Variants in COLEC11 observed in about 807,000 individuals in gnomAD.
COLEC11 encodes collectin-11.
Under a neutral mutation model 27.3 loss-of-function variants are expected in COLEC11, and 20 were observed. That is an observed-to-expected ratio of 0.73 (90% CI 0.51 to 1.06). COLEC11 has a LOEUF of 1.06. Among genes scored for constraint, COLEC11 ranks in the 50% least tolerant of loss-of-function variants. COLEC11 has a pLI of 0.00. For missense variants in COLEC11, 310 were observed against 383.0 expected, an observed-to-expected ratio of 0.81 and a Z score of 1.59; for synonymous variants, 163 against 154.7, an observed-to-expected ratio of 1.05 and a Z score of -0.40.
At chr2:3,605,647 G>A (rs1394836905) in intron 2 of COLEC11, 8 of 194,596 alleles carry the variant, frequency 4.1e-5, no homozygotes, top group South Asian at 1.6e-4. Flanking sequence ...AATCCGGTCC[G>A]CCCCCTCCTC....
At chr2:3,635,147 C>T (rs531461000) in intron 3 of COLEC11, among the ~76,000 whole-genome samples, 2 of 147,082 alleles carry the variant, frequency 1.4e-5, no homozygotes, top group South Asian at 2.2e-4. Flanking sequence ...CAACGTGCCC[C>T]GTGACATCCC....
intron 3 of COLEC11, among the ~76,000 whole-genome samples, chr2:3,625,700 T>C (rs1308418502): frequency 7.3e-6 from 1 of 136,226 alleles, no homozygotes; most frequent in African/African-American, 2.8e-5. Flanking sequence ...TGGCATAATC[T>C]TGGCTCACTA....
intron 1 of COLEC11, among the ~76,000 whole-genome samples, chr2:3,597,403 A>T (rs555128103): frequency 9.4e-4 from 143 of 151,944 alleles, no homozygotes; most frequent in African/African-American, 3.2e-3. Flanking sequence ...GAATGGAGTG[A>T]AGGCACGAGA....
intron 2 of COLEC11, among the ~76,000 whole-genome samples, chr2:3,607,047 G>A (rs1429540276): frequency 6.6e-6 from 1 of 152,214 alleles, no homozygotes; most frequent in Non-Finnish European, 1.5e-5. Flanking sequence ...GGTGGCATCT[G>A]GTCTGAGAAA....
chr2:3,629,768 T>TC, intron 3 of COLEC11, among the ~76,000 whole-genome samples: 1 of 152,108 alleles, frequency 6.6e-6, no homozygotes, highest in Non-Finnish European at 1.5e-5. Context: ...AGGCCACGGG[T>TC]CCAGAGAAAG....
rs72769349 is a variant in COLEC11 at position 3,637,289 on chromosome 2, A to G, written c.203-244A>G. Among the ~76,000 whole-genome samples, 703 of 152,300 alleles carry G rather than the reference A, an allele frequency of 4.6e-3. 3 individuals carry two copies. The highest frequency in any genetic ancestry group is 7.1e-3 in the Non-Finnish European group (484 of 68,002). On this transcript the variant is annotated intron_variant, in intron 3 of 6. Transcript: ENST00000349077. ...TAGGGGTGCCCCGTTCAGCCCCTCCATTCTATAGTGTGTATGACTTCTGGG... is the reference window on the plus strand; with the variant it reads ...TAGGGGTGCCCCGTTCAGCCCCTCCGTTCTATAGTGTGTATGACTTCTGGG...
In COLEC11 at chr2:3,644,614, G is replaced by A. The variant is rs913159344; in HGVS notation, c.*496G>A. 6 of 360,744 alleles carry A rather than the reference G, an allele frequency of 1.7e-5. No individual in the cohort carries two copies. Among genetic ancestry groups the A allele is most frequent in the Non-Finnish European group, 3.2e-5 (6 of 184,900 alleles). 22.3% of individuals were successfully genotyped at this position (360,744 alleles called of 1,614,324 possible). On this transcript the variant is annotated 3_prime_UTR_variant, in exon 7 of 7. Transcript: ENST00000349077. ...TGCTTTGCTTCAAACCCAGATTTCA[G>A]GAAAACAACAACAAAATTCTCCAAA... is the stretch of plus-strand genomic sequence containing the variant.
chr2:3,627,375 G>T (rs908345457), intron 3 of COLEC11, among the ~76,000 whole-genome samples: 2 of 149,876 alleles, frequency 1.3e-5, no homozygotes, highest in Non-Finnish European at 3.0e-5. Context: ...CAAGATGATG[G>T]CATGGTGATG....
intron 5 of COLEC11, chr2:3,641,305 G>A: frequency 7.7e-7 from 1 of 1,303,816 alleles, no homozygotes; most frequent in Non-Finnish European, 1.0e-6. Context: ...GGTGTGACTT[G>A]GCTGAGTGTG....
chr2:3,616,434 C>T (rs561552382), intron 3 of COLEC11, among the ~76,000 whole-genome samples: 3 of 152,274 alleles, frequency 2.0e-5, no homozygotes, highest in East Asian at 3.9e-4. Flanking sequence ...TTGTAGCAAG[C>T]CGAGATCACG....
At chr2:3,614,187 G>A (rs1011777687) in intron 3 of COLEC11, among the ~76,000 whole-genome samples, 15 of 151,942 alleles carry the variant, frequency 9.9e-5, no homozygotes, top group African/African-American at 2.9e-4. Flanking sequence ...ATGTTGGCCA[G>A]GCTGGTCTCG....
At chr2:3,601,135 A>G (rs1274151656) in intron 1 of COLEC11, among the ~76,000 whole-genome samples, 3 of 151,876 alleles carry the variant, frequency 2.0e-5, no homozygotes, top group Admixed American at 6.6e-5. Context: ...CCCTTTTTCC[A>G]CCACCCTTCC....
At chr2:3,641,352 G>C (rs1665851347) in intron 5 of COLEC11, 1 of 1,302,408 alleles carries the variant, frequency 7.7e-7, no homozygotes, top group Non-Finnish European at 1.0e-6. Flanking sequence ...TGGCCGAGCA[G>C]CATCCGCTCA....
At chr2:3,611,724 G>A (rs909048240) in intron 2 of COLEC11, among the ~76,000 whole-genome samples, 1 of 152,082 alleles carries the variant, frequency 6.6e-6, no homozygotes, top group African/African-American at 2.4e-5. Flanking sequence ...TGTGGGGATG[G>A]GCCTGCCACC....
At chr2:3,628,579 T>C (rs1347796253) in intron 3 of COLEC11, among the ~76,000 whole-genome samples, 2 of 152,184 alleles carry the variant, frequency 1.3e-5, no homozygotes, top group Admixed American at 6.5e-5. Context: ...GGGTGTGCGC[T>C]GGGGCTTTGA....
At chr2:3,627,737 G>T (rs1664667147) in intron 3 of COLEC11, among the ~76,000 whole-genome samples, 1 of 150,842 alleles carries the variant, frequency 6.6e-6, no homozygotes, top group Admixed American at 6.6e-5. Context: ...CATGATGATG[G>T]TAGATCTAGG....
Position 3,641,444 on chromosome 2 carries a change from C to T in COLEC11, c.328+1113C>T, listed in dbSNP as rs765633875. On this transcript the variant is annotated intron_variant, in intron 5 of 6. Transcript: ENST00000349077. Reference sequence around the variant, plus strand: ...AGAAGGACCTGGAGGCAGGTGACGGCGGGGCAAGGAGAGGGGACGTCCCAT... The same window carrying T: ...AGAAGGACCTGGAGGCAGGTGACGGTGGGGCAAGGAGAGGGGACGTCCCAT... 18 of 1,275,530 alleles carry T rather than the reference C, an allele frequency of 1.4e-5. No individual in the cohort carries two copies. In the African/African-American group the frequency reaches 1.8e-4, roughly 13 times the overall value. The allele number at this position is 1,275,530 out of a possible 1,614,324, so 79.0% of individuals were successfully genotyped here. A position where few individuals can be genotyped will look rare whatever the true frequency, so the allele number is the denominator to read the frequency against.
intron 4 of COLEC11, among the ~76,000 whole-genome samples, chr2:3,639,213 C>T (rs1287033110): frequency 6.6e-6 from 1 of 152,240 alleles, no homozygotes; most frequent in Non-Finnish European, 1.5e-5. Context: ...TGTCGATGGA[C>T]ACATGGGTTC....
At chr2:3,625,847 G>A (rs1267783897) in intron 3 of COLEC11, among the ~76,000 whole-genome samples, 2 of 152,064 alleles carry the variant, frequency 1.3e-5, no homozygotes, top group Non-Finnish European at 2.9e-5. Flanking sequence ...TGGCCACACT[G>A]GTCTTGAACT....
Sources: gnomAD v4.1 joint callset for allele counts (sites outside exome capture counted in the v4.1 genomes callset) on GRCh38, gnomAD v4.1.1 for gene constraint, MANE v1.5 for transcripts, NCBI Gene and HGNC (gene_info 2026-07-23, HGNC 2026-07-21) for gene names.